Variants in TBC1D22A observed in about 807,000 individuals in gnomAD.
TBC1D22A encodes the protein TBC1 domain family member 22A, also known as putative GTPase activator.
A neutral mutation model predicts 60.2 loss-of-function variants in TBC1D22A; 38 were observed. The ratio of observed to expected loss-of-function variants is 0.63; its 90% CI spans 0.49 to 0.83. The LOEUF is 0.83. TBC1D22A is among the 40% of genes least tolerant of loss of function. The pLI, the probability that TBC1D22A is intolerant of heterozygous loss-of-function variation, is 0.00. For missense variants in TBC1D22A, 628 were observed against 701.0 expected (o/e 0.90, Z 1.18); for synonymous variants, 302 against 281.7 (o/e 1.07, Z -0.72).
intron 12 of TBC1D22A, among the ~76,000 whole-genome samples, chr22:47,156,705 TC>T (rs2067732510): frequency 6.6e-6 from 1 of 151,972 alleles, no homozygotes; most frequent in South Asian, 2.1e-4. Context: ...CAGCACAGTC[TC>T]CCTCCCCGGG....
chr22:46,898,479 T>C (rs966388358), intron 7 of TBC1D22A, among the ~76,000 whole-genome samples: 1 of 152,144 alleles, frequency 6.6e-6, no homozygotes, highest in African/African-American at 2.4e-5. Context: ...AGTTTTCATA[T>C]ATGAGGGAGA....
chr22:47,063,026 G>A (rs1319019650), intron 11 of TBC1D22A, among the ~76,000 whole-genome samples: 1 of 152,202 alleles, frequency 6.6e-6, no homozygotes, highest in Non-Finnish European at 1.5e-5. Flanking sequence ...GGTGACCCCA[G>A]AGGAAGGAGG....
At chr22:46,924,414 A>C (rs752500885) in intron 8 of TBC1D22A, among the ~76,000 whole-genome samples, 4 of 152,250 alleles carry the variant, frequency 2.6e-5, no homozygotes, top group Non-Finnish European at 5.9e-5. Flanking sequence ...CTTGAAAGCA[A>C]ATGTGCAATG....
rs555870574 is a variant in TBC1D22A, at chr22:46,883,300, G to A, written c.708+4577G>A. ...CGGGACAATTTAGATATAAGTATATGCATGCATTGTTTTACATTTATGATG... is the reference window on the plus strand; with the variant it reads ...CGGGACAATTTAGATATAAGTATATACATGCATTGTTTTACATTTATGATG... On this transcript the variant is annotated intron_variant, in intron 5 of 12. Coordinates refer to ENST00000337137, the MANE Select transcript of TBC1D22A (RefSeq NM_014346.5). 4.2e-4 allele frequency among the ~76,000 whole-genome samples: 64 copies of A among 152,308 alleles called. 1 individual carries two copies. Among genetic ancestry groups the A allele is most frequent in the African/African-American group, 1.5e-3 (62 of 41,586 alleles).
chr22:47,064,725 G>A (rs764192176), intron 11 of TBC1D22A, among the ~76,000 whole-genome samples: 1 of 152,164 alleles, frequency 6.6e-6, no homozygotes, highest in African/African-American at 2.4e-5. Context: ...ATTCATAAAC[G>A]CTGAGATTGT....
chr22:46,848,210 A>G (rs910206327), intron 4 of TBC1D22A, among the ~76,000 whole-genome samples: 1 of 152,216 alleles, frequency 6.6e-6, no homozygotes, highest in Non-Finnish European at 1.5e-5. Flanking sequence ...CCTCCAAAAA[A>G]ATGGTATCGC....
In TBC1D22A at chr22:46,782,051, ACTT is replaced by A. The variant is rs376817254; in HGVS notation, c.63-10459_63-10457del. On this transcript the variant is annotated intron_variant, in intron 1 of 12. Transcript: ENST00000337137. ...TTCATGGTGGGACAAGTGGACTTGGACTTCTTCTTCTTATTATTATTGAGATGG... is the reference window on the plus strand; with the variant it reads ...TTCATGGTGGGACAAGTGGACTTGGACTTCTTCTTATTATTATTGAGATGG... Among the ~76,000 whole-genome samples the A allele has an allele frequency of 3.7e-4, 57 of 152,134 alleles. 1 individual carries two copies. The highest frequency in any genetic ancestry group is 2.1e-3 in the East Asian group (11 of 5,176).
intron 10 of TBC1D22A, among the ~76,000 whole-genome samples, chr22:47,026,242 G>A (rs905199163): frequency 6.6e-6 from 1 of 152,198 alleles, no homozygotes; most frequent in African/African-American, 2.4e-5. Flanking sequence ...TGGATAAAGA[G>A]CATGTTCGAT....
chr22:46,764,053 C>T (rs1241690899), intron 1 of TBC1D22A: 1 of 152,164 alleles, frequency 6.6e-6, no homozygotes, highest in African/African-American at 2.4e-5. Context: ...GAGATCGTTC[C>T]ATTGCACTCC....
chr22:47,099,491 G>A (rs980282992), intron 11 of TBC1D22A, among the ~76,000 whole-genome samples: 1 of 151,354 alleles, frequency 6.6e-6, no homozygotes, highest in Admixed American at 6.6e-5. Context: ...TGTTGCCCAG[G>A]CTGGAGTGCA....
intron 7 of TBC1D22A, among the ~76,000 whole-genome samples, chr22:46,897,652 G>GTTTTTT (rs34529641): frequency 3.6e-5 from 4 of 111,510 alleles, no homozygotes; most frequent in African/African-American, 1.2e-4. Context: ...TTTTTTTTGT[G>GTTTTTT]TTTTTTTTTT....
chr22:47,054,080 G>C (rs1169021047), intron 11 of TBC1D22A, among the ~76,000 whole-genome samples: 1 of 152,212 alleles, frequency 6.6e-6, no homozygotes, highest in Admixed American at 6.5e-5. Flanking sequence ...GCGCTGCTCA[G>C]AGTCTCTGGG....
chr22:47,173,646 TG>T lies in TBC1D22A; in HGVS notation c.*22del. The T allele has an allele frequency of 6.2e-7, 1 of 1,612,728 alleles. No homozygotes were observed. The highest frequency in any genetic ancestry group is 8.5e-7 in the Non-Finnish European group (1 of 1,179,278). On this transcript the variant is annotated 3_prime_UTR_variant, in exon 13 of 13. Transcript: ENST00000337137. ...AAATGAGCCCAGGCCCACCCGCAGCTGGCCTCACTGTCCCGGGTGGCGCGCC... is the reference window on the plus strand; with the variant it reads ...AAATGAGCCCAGGCCCACCCGCAGCTGCCTCACTGTCCCGGGTGGCGCGCC...
At chr22:47,124,914 G>A (rs1569460579) in intron 12 of TBC1D22A, among the ~76,000 whole-genome samples, 1 of 152,114 alleles carries the variant, frequency 6.6e-6, no homozygotes, top group Non-Finnish European at 1.5e-5. Context: ...CAAAGATGGT[G>A]CCTGCAGAGA....
At chr22:46,875,337 G>A (rs1310521715) in intron 4 of TBC1D22A, among the ~76,000 whole-genome samples, 1 of 152,202 alleles carries the variant, frequency 6.6e-6, no homozygotes, top group Non-Finnish European at 1.5e-5. Flanking sequence ...GCAAGAACAG[G>A]CAAGTCCCGT....
chr22:47,013,966 G>A (rs777215576), intron 10 of TBC1D22A, among the ~76,000 whole-genome samples: 2 of 152,220 alleles, frequency 1.3e-5, no homozygotes, highest in Non-Finnish European at 2.9e-5. Context: ...AGAGACCCTC[G>A]GTTTGACCCT....
intron 12 of TBC1D22A, among the ~76,000 whole-genome samples, chr22:47,140,863 A>G (rs1055777326): frequency 2.0e-5 from 3 of 152,176 alleles, no homozygotes; most frequent in Non-Finnish European, 4.4e-5. Context: ...GCCTCCCACA[A>G]TCGGCAGCAC....
chr22:47,041,039 C>A (rs554799463), intron 11 of TBC1D22A, among the ~76,000 whole-genome samples: 1 of 152,108 alleles, frequency 6.6e-6, no homozygotes, highest in African/African-American at 2.4e-5. Context: ...CGCTGGTAAA[C>A]GGGCGAACAT....
At chr22:46,797,057 C>T (rs368973865) in intron 3 of TBC1D22A, among the ~76,000 whole-genome samples, 27 of 152,168 alleles carry the variant, frequency 1.8e-4, no homozygotes, top group Admixed American at 1.4e-3. Flanking sequence ...GCTTGCCCTC[C>T]GCACTCAGGC....
Sources: allele counts gnomAD v4.1 joint callset (sites outside exome capture counted in the v4.1 genomes callset), GRCh38; gene constraint gnomAD v4.1.1; transcripts MANE v1.5; gene names NCBI Gene and HGNC (gene_info 2026-07-23, HGNC 2026-07-21).